The following MMRN1 variants were observed in gnomAD, a reference collection of about 807,000 sequenced individuals.
The protein encoded by MMRN1 is multimerin-1.
A neutral mutation model predicts 100.7 loss-of-function variants in MMRN1; 94 were observed. That is an observed-to-expected ratio of 0.93 (90% confidence interval 0.79 to 1.11). The LOEUF (loss-of-function observed/expected upper bound fraction) is 1.11. Among genes scored for constraint, MMRN1 ranks in the 50% least tolerant of loss-of-function variants. The pLI is 0.00. For synonymous variants in MMRN1, 575 were observed against 505.0 expected (o/e 1.14, Z -1.86); for missense variants, 1,606 against 1,439.1 (o/e 1.12, Z -1.88).
Position 89,887,872 on chromosome 4 carries a change from CAACA to C in MMRN1, c.-248-6851_-248-6848del, listed in dbSNP as rs1177394979. ...TACATTATTGCTGTGATTTTTATCT[CAACA>C]GTCAAATTAAAAAAAAATTTAATTC... On this transcript the variant is annotated intron_variant, in intron 1 of 8. Transcript: ENST00000394980. Among the ~76,000 whole-genome samples, 3 of 151,714 alleles carry C rather than the reference CAACA, an allele frequency of 2.0e-5. No individual in the cohort carries two copies. In the East Asian group the frequency reaches 5.8e-4, roughly 29 times the overall value.
Position 89,895,339 on chromosome 4 carries a change from T to G in MMRN1, c.368T>G (p.Ile123Ser). 6.2e-7 allele frequency: 1 copy of G among 1,613,920 alleles called. No individual in the cohort carries two copies. The highest frequency in any genetic ancestry group is 8.5e-7 in the Non-Finnish European group (1 of 1,179,922). Residue 123 changes from isoleucine to serine, a missense_variant, in exon 1 of 8, where the codon ATC becomes AGC. By Grantham distance (142) the Ile-to-Ser change is moderately radical. Transcript: ENST00000264790. ...CTTACCCTCCCAACCAACGCTAGCA[T>G]CAAGTTCAATCCTGGAGCAGAATCA... ...QNLTLPTNAS[I>S]KFNPGAESVV... is the part of the protein sequence containing the mutation.
intron 1 of MMRN1, among the ~76,000 whole-genome samples, chr4:89,879,886 G>A (rs1261991047): frequency 2.0e-5 from 3 of 152,144 alleles, no homozygotes; most frequent in African/African-American, 7.2e-5. Context: ...TCATGTTATT[G>A]TTTATGGCAT....
Position 89,935,347 on chromosome 4 carries a change from A to G in MMRN1, c.1667A>G (p.Gln556Arg). The G allele has an allele frequency of 2.5e-6, 4 of 1,613,394 alleles. No individual in the cohort carries two copies. Among genetic ancestry groups the G allele is most frequent in the Non-Finnish European group, 3.4e-6 (4 of 1,179,710 alleles). ...ACTTTACATGAAAATATAAAGAAGC[A>G]GAGTTTGATGATGCTGCAAATGTTT... ...MSTLHENIKK[Q>R]SLMMLQMFED... Residue 556 changes from glutamine to arginine, a missense_variant, in exon 6 of 8, where the codon CAG (glutamine) becomes CGG (arginine). Gln to Arg is a conservative substitution (Grantham distance 43). Coordinates refer to ENST00000264790, the MANE Select transcript of MMRN1 (RefSeq NM_007351.3).
upstream of MMRN1, among the ~76,000 whole-genome samples, chr4:89,889,885 A>G (rs1424880908): frequency 6.6e-6 from 1 of 152,120 alleles, no homozygotes; most frequent in Non-Finnish European, 1.5e-5. Flanking sequence ...ATTTCTTTCC[A>G]GACCCACCCC....
intron 3 of MMRN1, among the ~76,000 whole-genome samples, chr4:89,917,999 T>G (rs1213815913): frequency 6.6e-6 from 1 of 151,782 alleles, no homozygotes; most frequent in Non-Finnish European, 1.5e-5. Context: ...TTAGGCCAAA[T>G]TCATCTGGCA....
chr4:89,931,866 G>A (rs1231801975), intron 5 of MMRN1, among the ~76,000 whole-genome samples: 1 of 152,034 alleles, frequency 6.6e-6, no homozygotes, highest in Non-Finnish European at 1.5e-5. Flanking sequence ...TTTGGGTCAG[G>A]ACAATGCCAA....
chr4:89,885,976 C>T (rs1438936967), intron 1 of MMRN1, among the ~76,000 whole-genome samples: 2 of 151,708 alleles, frequency 1.3e-5, no homozygotes, highest in Non-Finnish European at 2.9e-5. Context: ...TGGAAGCATA[C>T]CTCAATAATA....
intron 6 of MMRN1, among the ~76,000 whole-genome samples, chr4:89,946,550 C>T (rs1722991187): frequency 6.6e-6 from 1 of 152,022 alleles, no homozygotes; most frequent in Non-Finnish European, 1.5e-5. Flanking sequence ...TCATCAAATT[C>T]CTGTTGAATG....
At chr4:89,901,405 A>G (rs900761221) in intron 1 of MMRN1, among the ~76,000 whole-genome samples, 14 of 151,624 alleles carry the variant, frequency 9.2e-5, no homozygotes, top group African/African-American at 2.9e-4. Context: ...AAATTAGAAA[A>G]TTATTCTGAG....
At chr4:89,896,770 T>C (rs1044469245) in intron 1 of MMRN1, among the ~76,000 whole-genome samples, 4 of 152,190 alleles carry the variant, frequency 2.6e-5, no homozygotes, top group African/African-American at 9.6e-5. Flanking sequence ...AGCCAATGAA[T>C]TTACTTATTT....
upstream of MMRN1, among the ~76,000 whole-genome samples, chr4:89,893,184 G>C (rs1345499574): frequency 6.6e-6 from 1 of 151,912 alleles, no homozygotes; most frequent in Non-Finnish European, 1.5e-5. Flanking sequence ...GTCTCTGCTG[G>C]ACCTTTTTGC....
intron 6 of MMRN1, among the ~76,000 whole-genome samples, chr4:89,948,872 A>G (rs771263860): frequency 6.6e-6 from 1 of 152,188 alleles, no homozygotes; most frequent in Non-Finnish European, 1.5e-5. Flanking sequence ...ACCATGAAAG[A>G]TGTCCTAGAA....
intron 6 of MMRN1, among the ~76,000 whole-genome samples, chr4:89,941,759 T>A (rs558284927): frequency 3.3e-5 from 5 of 152,192 alleles, no homozygotes; most frequent in African/African-American, 1.2e-4. Context: ...CTATGTTCAC[T>A]CTTCTCTGCA....
At chr4:89,950,795 G>A (rs1298529675) in intron 6 of MMRN1, among the ~76,000 whole-genome samples, 1 of 152,062 alleles carries the variant, frequency 6.6e-6, no homozygotes, top group Non-Finnish European at 1.5e-5. Flanking sequence ...CTGGACTCAA[G>A]CCATCCTCTT....
intron 6 of MMRN1, among the ~76,000 whole-genome samples, chr4:89,943,811 G>A (rs986105234): frequency 5.9e-5 from 9 of 152,006 alleles, no homozygotes; most frequent in African/African-American, 1.7e-4. Flanking sequence ...CCAACCTGGC[G>A]AAACCCCATC....
At chr4:89,896,066 C>G (rs1721197402) in intron 1 of MMRN1, among the ~76,000 whole-genome samples, 1 of 152,116 alleles carries the variant, frequency 6.6e-6, no homozygotes, top group South Asian at 2.1e-4. Context: ...GGGTGCAATC[C>G]TGGCTTCAGT....
chr4:89,940,447 G>A (rs1320801997), intron 6 of MMRN1, among the ~76,000 whole-genome samples: 1 of 151,978 alleles, frequency 6.6e-6, no homozygotes, highest in East Asian at 1.9e-4. Context: ...TCATTGATGT[G>A]AATATATGCT....
intron 1 of MMRN1, among the ~76,000 whole-genome samples, chr4:89,904,605 T>C (rs1289116795): frequency 6.6e-6 from 1 of 151,598 alleles, no homozygotes; most frequent in Non-Finnish European, 1.5e-5. Flanking sequence ...TTTTCAAAGG[T>C]TGAATAATAC....
rs532928694 is a variant in MMRN1 at position 89,900,668 on chromosome 4, C to G, written c.623+5074C>G. On this transcript the variant is annotated intron_variant, in intron 1 of 7. Coordinates refer to ENST00000264790, the MANE Select transcript of MMRN1 (RefSeq NM_007351.3). The stretch of plus-strand genomic sequence containing the variant: ...ACTCTATTTGCTGCCTAGAACAGTG[C>G]CAGGTGCATAGAAAGAGCTCAATAA... 1.5e-4 allele frequency among the ~76,000 whole-genome samples: 23 copies of G among 152,078 alleles called. No individual in the cohort carries two copies. The East Asian group carries it at 3.7e-3, about 24-fold the overall frequency.
Sources: allele counts gnomAD v4.1 joint callset (sites outside exome capture counted in the v4.1 genomes callset), GRCh38; gene constraint gnomAD v4.1.1; transcripts MANE v1.5; gene names NCBI Gene and HGNC (gene_info 2026-07-23, HGNC 2026-07-21).